Variants in DLGAP5 observed in about 807,000 individuals in gnomAD.
DLGAP5 encodes disks large-associated protein 5.
In DLGAP5, 90 loss-of-function variants were observed where a neutral mutation model predicts 99.6. The observed-to-expected ratio is 0.90, with a 90% confidence interval of 0.76 to 1.08. The LOEUF is 1.08. Ranked by LOEUF, DLGAP5 falls within the 50% of genes least tolerant of loss-of-function variation. DLGAP5 has a pLI of 0.00. For missense variants in DLGAP5, 1,036 were observed against 983.5 expected (o/e 1.05, Z -0.71); for synonymous variants, 311 against 321.3 (o/e 0.97, Z 0.34).
At chr14:55,161,106 T>C (rs1436635656) in intron 13 of DLGAP5, among the ~76,000 whole-genome samples, 3 of 152,172 alleles carry the variant, frequency 2.0e-5, no homozygotes, top group Admixed American at 6.5e-5. Context: ...TAGGGAGTGG[T>C]ATCCAAGTAT....
chr14:55,154,554 C>G (rs1283290511), intron 15 of DLGAP5, 63 bp downstream of exon 15: 21 of 1,366,164 alleles, frequency 1.5e-5, no homozygotes. Flanking sequence ...ACCATCTTAA[C>G]AATCTGAAAT....
At chr14:55,155,759 C>G (rs1882193625) in intron 14 of DLGAP5, among the ~76,000 whole-genome samples, 1 of 152,090 alleles carries the variant, frequency 6.6e-6, no homozygotes, top group African/African-American at 2.4e-5. Context: ...TGGGACTTAG[C>G]AGACTCAAGA....
In DLGAP5 at chr14:55,151,854, T is replaced by C; in HGVS notation, c.2209A>G (p.Ile737Val). ...PLLAGGVADDINTNKKEGISD... is the reference protein window; with the variant it reads ...PLLAGGVADDVNTNKKEGISD... ...ATTCCTTCTTTTTTGTTAGTATTAA[T>C]ATCATCTGCTACTCCACCAGCAAGA... The change falls in exon 17 of 19, where the codon ATT becomes GTT. Residue 737 changes from isoleucine to valine, a missense_variant. Ile to Val is a conservative substitution (Grantham distance 29, BLOSUM62 3). Coordinates refer to ENST00000247191, the MANE Select transcript of DLGAP5 (RefSeq NM_014750.5). 6.2e-7 allele frequency: 1 copy of C among 1,613,982 alleles called. No individual in the cohort carries two copies. The highest frequency in any genetic ancestry group is 8.5e-7 in the Non-Finnish European group (1 of 1,179,932).
At chr14:55,160,145 G>T (rs1882366298) in intron 13 of DLGAP5, among the ~76,000 whole-genome samples, 1 of 152,088 alleles carries the variant, frequency 6.6e-6, no homozygotes, top group African/African-American at 2.4e-5. Flanking sequence ...TGAGGTTACA[G>T]TGAGCCAAGA....
intron 2 of DLGAP5, among the ~76,000 whole-genome samples, chr14:55,187,782 A>T (rs1436959104): frequency 2.0e-4 from 30 of 151,992 alleles, no homozygotes; most frequent in Non-Finnish European, 8.8e-5. Flanking sequence ...TACAGGCCTG[A>T]CTCCAAAGCG....
rs185050495 is a variant in DLGAP5, at chr14:55,176,971, C to T, written c.1049+91G>A. The T allele has an allele frequency of 6.0e-3, 5,330 of 895,526 alleles. 61 individuals carry two copies. The highest frequency in any genetic ancestry group is 9.9e-3 in the Middle Eastern group (23 of 2,312). The allele number at this position is 895,526 out of a possible 1,614,324, so 55.5% of individuals were successfully genotyped here. ...CCAGCCTGGGCGACAGAGCGAACTC[C>T]GTCTGAAAAAAAAAAAAAAAAAAAA... On this transcript the variant is annotated intron_variant, in intron 8 of 18. Coordinates refer to ENST00000247191, the MANE Select transcript of DLGAP5 (RefSeq NM_014750.5).
intron 2 of DLGAP5, among the ~76,000 whole-genome samples, chr14:55,185,019 T>A (rs962082723): frequency 1.1e-4 from 16 of 152,202 alleles, no homozygotes; most frequent in Non-Finnish European, 2.2e-4. Context: ...TCAAGGACAT[T>A]CTTCCAGCAA....
intron 10 of DLGAP5, 35 bp from the exon 11 acceptor site, chr14:55,170,822 G>A: frequency 3.3e-6 from 5 of 1,526,358 alleles, no homozygotes; most frequent in Non-Finnish European, 4.5e-6. Context: ...TTCTACAAGT[G>A]GTTTTTACAC....
chr14:55,179,794 A>G, intron 6 of DLGAP5, 95 bp from the exon 7 acceptor site: 1 of 972,108 alleles, frequency 1.0e-6, no homozygotes, highest in Non-Finnish European at 1.5e-6. Context: ...CAGTAGGAAT[A>G]TATGTCTTGA....
At chr14:55,148,622 G>A (rs1261009337) in intron 18 of DLGAP5, 149 bp from the exon 19 acceptor site, 2 of 1,520,350 alleles carry the variant, frequency 1.3e-6, no homozygotes, top group South Asian at 2.4e-5. Flanking sequence ...GGGAGGCTGA[G>A]GTGGTAGGAT....
chr14:55,155,196 T>C (rs959898450), intron 14 of DLGAP5, among the ~76,000 whole-genome samples: 1 of 150,680 alleles, frequency 6.6e-6, no homozygotes, highest in African/African-American at 2.4e-5. Flanking sequence ...GGCTAATTTT[T>C]GTATTTTTAG....
chr14:55,176,156 G>A (rs1883055182), intron 8 of DLGAP5, 138 bp from the exon 9 acceptor site: 1 of 663,970 alleles, frequency 1.5e-6, no homozygotes, highest in South Asian at 3.1e-5. Context: ...TATTCTGGAG[G>A]GGAGAAAATG....
At chr14:55,169,595 CA>C in intron 11 of DLGAP5, 36 bp from the exon 12 acceptor site, 1 of 1,495,056 alleles carries the variant, frequency 6.7e-7, no homozygotes. Flanking sequence ...AATTAAAGGA[CA>C]AAACGGGACA....
At chr14:55,158,963 G>T (rs779022986) in intron 13 of DLGAP5, among the ~76,000 whole-genome samples, 11 of 151,554 alleles carry the variant, frequency 7.3e-5, no homozygotes, top group Non-Finnish European at 1.6e-4. Context: ...CTTAGTAGAA[G>T]ATCTGGGAAG....
chr14:55,188,833 G>T, intron 2 of DLGAP5, 109 bp downstream of exon 2: 113 of 520,580 alleles, frequency 2.2e-4, no homozygotes, highest in Non-Finnish European at 3.1e-4. Context: ...GTTATTTATA[G>T]AATGGTATTT....
At chr14:55,190,289 T>TACACACACACACACACACACACAC (rs142940996) in intron 1 of DLGAP5, among the ~76,000 whole-genome samples, 1 of 147,304 alleles carries the variant, frequency 6.8e-6, no homozygotes, top group African/African-American at 2.5e-5. Context: ...AGAAAAGCCA[T>TACACACACACACACACACACACAC]ACACACACAC....
chr14:55,148,665 G>T, intron 18 of DLGAP5, 192 bp from the exon 19 acceptor site: 1 of 1,129,532 alleles, frequency 8.9e-7, no homozygotes, highest in Non-Finnish European at 1.3e-6. Context: ...ACCAGCCCGA[G>T]CAACATAGCA....
chr14:55,190,289 T>TATAC (rs1555330252), intron 1 of DLGAP5, among the ~76,000 whole-genome samples: 1 of 147,304 alleles, frequency 6.8e-6, no homozygotes, highest in African/African-American at 2.5e-5. Context: ...AGAAAAGCCA[T>TATAC]ACACACACAC....
intron 15 of DLGAP5, among the ~76,000 whole-genome samples, chr14:55,153,068 T>C (rs1882073026): frequency 6.6e-6 from 1 of 152,156 alleles, no homozygotes. Context: ...CTAAGAAACT[T>C]GACTTCAATC....
Sources: gnomAD v4.1 joint callset for allele counts (sites outside exome capture counted in the v4.1 genomes callset) on GRCh38, gnomAD v4.1.1 for gene constraint, MANE v1.5 for transcripts, NCBI Gene and HGNC (gene_info 2026-07-23, HGNC 2026-07-21) for gene names.